The following TMEM178B variants were observed in gnomAD, a reference collection of about 807,000 sequenced individuals.
TMEM178B encodes the protein transmembrane protein 178B.
In TMEM178B, 5 loss-of-function variants were observed where a neutral mutation model predicts 31.0. That is an observed-to-expected ratio of 0.16 (90% CI 0.08 to 0.34). The LOEUF is 0.34. Among genes scored for constraint, TMEM178B ranks in the 10% least tolerant of loss-of-function variants. The pLI, the probability that TMEM178B is intolerant of heterozygous loss-of-function variation, is 1.00. For synonymous variants in TMEM178B, 164 were observed against 164.0 expected (o/e 1.00, Z 0.00); for missense variants, 275 against 400.3 (o/e 0.69, Z 2.67).
intron 2 of TMEM178B, among the ~76,000 whole-genome samples, chr7:141,336,364 C>G (rs1309112062): frequency 6.6e-6 from 1 of 152,098 alleles, no homozygotes; most frequent in Non-Finnish European, 1.5e-5. Flanking sequence ...ACTGTAGGAC[C>G]AGGCGTGGGA....
intron 2 of TMEM178B, among the ~76,000 whole-genome samples, chr7:141,347,117 T>G (rs1007564516): frequency 6.6e-6 from 1 of 152,214 alleles, no homozygotes; most frequent in Non-Finnish European, 1.5e-5. Context: ...CCATCATGAT[T>G]CCTGGTAAGT....
chr7:141,119,070 T>C (rs1321893461), intron 1 of TMEM178B, among the ~76,000 whole-genome samples: 1 of 152,074 alleles, frequency 6.6e-6, no homozygotes, highest in Non-Finnish European at 1.5e-5. Context: ...GGAGGAGGAC[T>C]GGAAGGGGCA....
chr7:141,092,925 G>T, intron 1 of TMEM178B, among the ~76,000 whole-genome samples: 1 of 152,146 alleles, frequency 6.6e-6, no homozygotes, highest in East Asian at 1.9e-4. Flanking sequence ...AATAACAAGG[G>T]CAGTGACTTT....
intron 1 of TMEM178B, among the ~76,000 whole-genome samples, chr7:141,192,442 AACTTGGGTTGAG>A (rs1386756084): frequency 2.6e-5 from 4 of 151,598 alleles, no homozygotes; most frequent in African/African-American, 9.7e-5. Context: ...GAGCTGCTAC[AACTTGGGTTGAG>A]AGATGGGAAG....
chr7:141,102,241 G>A (rs746753118), intron 1 of TMEM178B, among the ~76,000 whole-genome samples: 1 of 152,200 alleles, frequency 6.6e-6, no homozygotes, highest in Non-Finnish European at 1.5e-5. Context: ...ATCCGATAGA[G>A]AAAGTACTGT....
intron 2 of TMEM178B, among the ~76,000 whole-genome samples, chr7:141,426,806 A>G (rs1801326002): frequency 6.6e-6 from 1 of 152,222 alleles, no homozygotes; most frequent in Non-Finnish European, 1.5e-5. Flanking sequence ...TAAACACTCC[A>G]TTAAAAAGCT....
At chr7:141,285,112 G>A (rs1798424014) in intron 2 of TMEM178B, among the ~76,000 whole-genome samples, 1 of 131,986 alleles carries the variant, frequency 7.6e-6, no homozygotes, top group South Asian at 2.4e-4. Context: ...TTCCACTAAT[G>A]TCCCTTTTTC....
intron 2 of TMEM178B, among the ~76,000 whole-genome samples, chr7:141,302,000 G>A (rs766264406): frequency 6.6e-6 from 1 of 152,168 alleles, no homozygotes; most frequent in Non-Finnish European, 1.5e-5. Context: ...GGGGGAAGGA[G>A]GAGTGGGGAG....
At chr7:141,466,471 T>G (rs933463975) in intron 3 of TMEM178B, among the ~76,000 whole-genome samples, 2 of 152,254 alleles carry the variant, frequency 1.3e-5, no homozygotes, top group African/African-American at 4.8e-5. Context: ...ATCATGTATA[T>G]CCAGCTTCAT....
intron 1 of TMEM178B, among the ~76,000 whole-genome samples, chr7:141,149,205 C>T (rs973306476): frequency 1.1e-4 from 16 of 152,104 alleles, no homozygotes; most frequent in Admixed American, 4.6e-4. Context: ...TGTTATCCTC[C>T]AAAAATATAT....
At chr7:141,084,181 A>G (rs1794739396) in intron 1 of TMEM178B, among the ~76,000 whole-genome samples, 1 of 152,228 alleles carries the variant, frequency 6.6e-6, no homozygotes, top group African/African-American at 2.4e-5. Flanking sequence ...AGTTAGTAAA[A>G]CATGAAATTC....
At chr7:141,350,676 G>C (rs932944698) in intron 2 of TMEM178B, among the ~76,000 whole-genome samples, 1 of 152,010 alleles carries the variant, frequency 6.6e-6, no homozygotes, top group African/African-American at 2.4e-5. Flanking sequence ...ATGTTTACCA[G>C]GTTAAATTTT....
chr7:141,077,187 C>T (rs1284608738), intron 1 of TMEM178B, among the ~76,000 whole-genome samples: 1 of 152,154 alleles, frequency 6.6e-6, no homozygotes, highest in Non-Finnish European at 1.5e-5. Flanking sequence ...TTAAATGAGA[C>T]ATTTTAGAAA....
chr7:141,483,113 G>T (rs1802505176), downstream of TMEM178B, among the ~76,000 whole-genome samples: 1 of 152,094 alleles, frequency 6.6e-6, no homozygotes, highest in South Asian at 2.1e-4. Flanking sequence ...TTCTCATCAG[G>T]CAAGGTATTC....
the TMEM178B span, among the ~76,000 whole-genome samples, chr7:141,498,444 C>CT: frequency 6.6e-6 from 1 of 152,220 alleles, no homozygotes; most frequent in Admixed American, 6.5e-5. Flanking sequence ...AAGTCCTTGG[C>CT]ATCTTGTGAC....
At chr7:141,449,655 C>T (rs1313476903) in intron 3 of TMEM178B, among the ~76,000 whole-genome samples, 2 of 152,172 alleles carry the variant, frequency 1.3e-5, no homozygotes, top group Admixed American at 6.5e-5. Flanking sequence ...AGGGAGGGTG[C>T]CTGGCTCCCT....
chr7:141,289,714 CAAAAAAAAA>C (rs35000633), intron 2 of TMEM178B, among the ~76,000 whole-genome samples: 1 of 92,384 alleles, frequency 1.1e-5, no homozygotes, highest in Admixed American at 1.2e-4. Context: ...GACCCTGTCT[CAAAAAAAAA>C]AAAAAAAAGA....
Position 141,474,996 on chromosome 7 carries a change from G to C in TMEM178B, c.*4210G>C, listed in dbSNP as rs1802336369. The C allele has an allele frequency of 6.6e-6, 1 of 152,208 alleles. No individual in the cohort carries two copies. The highest frequency in any genetic ancestry group is 1.5e-5 in the Non-Finnish European group (1 of 68,060). The allele number at this position is 152,208 out of a possible 1,614,324, so 9.4% of individuals were successfully genotyped here. On this transcript the variant is annotated 3_prime_UTR_variant, in exon 4 of 4. Transcript: ENST00000565468. ...TTGGTGTGGTTTGTGGGGGATACTTGGTTGATTCTTGTAGTTAAAGTGAAG... is the reference window on the plus strand; with the variant it reads ...TTGGTGTGGTTTGTGGGGGATACTTCGTTGATTCTTGTAGTTAAAGTGAAG...
intron 2 of TMEM178B, among the ~76,000 whole-genome samples, chr7:141,272,639 G>C (rs1343884494): frequency 6.6e-6 from 1 of 152,152 alleles, no homozygotes; most frequent in Non-Finnish European, 1.5e-5. Context: ...CCTCTTTCCT[G>C]CCCACAAATC....
Sources: gnomAD v4.1 joint callset for allele counts (sites outside exome capture counted in the v4.1 genomes callset) on GRCh38, gnomAD v4.1.1 for gene constraint, MANE v1.5 for transcripts, NCBI Gene and HGNC (gene_info 2026-07-23, HGNC 2026-07-21) for gene names.